Variants in ACSL3 observed in about 807,000 individuals in gnomAD.
The protein encoded by ACSL3 is fatty acid CoA ligase Acsl3.
In ACSL3, 34 loss-of-function variants were observed where a neutral mutation model predicts 84.7. The ratio of observed to expected loss-of-function variants is 0.40; its 90% CI spans 0.31 to 0.53. The LOEUF is 0.53. ACSL3 is among the 20% of genes least tolerant of loss of function. ACSL3 has a pLI of 0.48. For missense variants in ACSL3, 680 were observed against 873.1 expected, an observed-to-expected ratio of 0.78 and a Z score of 2.79; for synonymous variants, 315 against 299.4, an observed-to-expected ratio of 1.05 and a Z score of -0.54.
chr2:222,933,130 A>G (rs374366045), intron 14 of ACSL3, 36 bp from the exon 15 acceptor site: 6 of 1,293,954 alleles, frequency 4.6e-6, no homozygotes, highest in Middle Eastern at 1.9e-4. Flanking sequence ...ATTATTACTC[A>G]TTGTTTTCCC....
At chr2:222,921,080 T>C in intron 7 of ACSL3, 200 bp from the exon 8 acceptor site, 1 of 684,666 alleles carries the variant, frequency 1.5e-6, no homozygotes, top group Non-Finnish European at 2.7e-6. Context: ...TTAATCTGTT[T>C]GTATATCTCA....
chr2:222,886,448 A>C (rs1559282165), intron 1 of ACSL3, among the ~76,000 whole-genome samples: 1 of 152,220 alleles, frequency 6.6e-6, no homozygotes, highest in Admixed American at 6.5e-5. Flanking sequence ...GTTTTTACAA[A>C]AATTAATAAC....
In ACSL3 at chr2:222,928,945, CTATTT is replaced by C; in HGVS notation, c.1540+12_1540+16del. ...AAAAAACTGGGAGGAAGGTAATAAA[CTATTT>C]TAACCACAGAGCATTAATTTTTAAA... On this transcript the variant is annotated intron_variant, in intron 13 of 16. Coordinates refer to ENST00000357430, the MANE Select transcript of ACSL3 (RefSeq NM_004457.5). The C allele has an allele frequency of 6.2e-7, 1 of 1,604,450 alleles. No individual in the cohort carries two copies. Among genetic ancestry groups the C allele is most frequent in the Non-Finnish European group, 8.5e-7 (1 of 1,172,274 alleles).
chr2:222,875,055 C>T (rs1209961431), intron 1 of ACSL3, among the ~76,000 whole-genome samples: 1 of 151,994 alleles, frequency 6.6e-6, no homozygotes, highest in Non-Finnish European at 1.5e-5. Flanking sequence ...AAAAATTTAG[C>T]TTTTGATTTA....
At chr2:222,863,796 A>G (rs1276805746) in intron 1 of ACSL3, among the ~76,000 whole-genome samples, 1 of 152,198 alleles carries the variant, frequency 6.6e-6, no homozygotes, top group Non-Finnish European at 1.5e-5. Context: ...TAAATGTCTC[A>G]GTTGAACATG....
intron 12 of ACSL3, 22 bp from the exon 13 acceptor site, chr2:222,928,840 C>CT (rs777595259): frequency 1.6e-5 from 25 of 1,598,010 alleles, no homozygotes; most frequent in African/African-American, 6.7e-5. Context: ...CTCAAATATC[C>CT]TTTTTTTCAT....
intron 1 of ACSL3, among the ~76,000 whole-genome samples, chr2:222,882,780 T>TTTTTTG (rs55838924): frequency 2.4e-5 from 3 of 123,690 alleles, no homozygotes; most frequent in Non-Finnish European, 5.3e-5. Flanking sequence ...TTTTTTTTTT[T>TTTTTTG]GAAGACAGAT....
intron 3 of ACSL3, among the ~76,000 whole-genome samples, chr2:222,906,568 C>T (rs186357067): frequency 1.4e-4 from 21 of 151,632 alleles, no homozygotes; most frequent in Admixed American, 1.2e-3. Context: ...GAAACTTCTA[C>T]AGTAGTTGGT....
chr2:222,901,964 A>AAAAAAAAAAAAAAAAAAATG lies in ACSL3; in HGVS notation c.-41+1184_-41+1185insAAAAAAAAAAAAAAAAAATG, dbSNP rs57522671. On this transcript the variant is annotated intron_variant, in intron 3 of 16. Coordinates refer to ENST00000357430, the MANE Select transcript of ACSL3 (RefSeq NM_004457.5). Reference sequence around the variant, plus strand: ...GTCTCAAAAAAAAAAAAAAAAAAAAAGAACTCAAATATTGTTGAGGTAGCA... The same window carrying AAAAAAAAAAAAAAAAAAATG: ...GTCTCAAAAAAAAAAAAAAAAAAAAAAAAAAAAAAAAAAAAAAATGGAACTCAAATATTGTTGAGGTAGCA... Among the ~76,000 whole-genome samples the AAAAAAAAAAAAAAAAAAATG allele has an allele frequency of 8.0e-5, 8 of 99,456 alleles. 2 individuals carry two copies. The highest frequency in any genetic ancestry group is 1.2e-4 in the African/African-American group (3 of 24,630). 65.2% of individuals were successfully genotyped at this position (99,456 alleles called of 152,430 possible). A position where few individuals can be genotyped will look rare whatever the true frequency, so the allele number is the denominator to read the frequency against.
At chr2:222,916,531 C>G in intron 5 of ACSL3, 35 bp downstream of exon 5, 1 of 1,498,084 alleles carries the variant, frequency 6.7e-7, no homozygotes. Flanking sequence ...GAAGAATGAA[C>G]TTAACTGATA....
At chr2:222,889,717 G>C (rs777456387) in intron 2 of ACSL3, among the ~76,000 whole-genome samples, 2 of 152,214 alleles carry the variant, frequency 1.3e-5, no homozygotes, top group Non-Finnish European at 2.9e-5. Context: ...GAGGAAAATG[G>C]TTTTTAAGAG....
intron 1 of ACSL3, among the ~76,000 whole-genome samples, chr2:222,881,604 C>A (rs1294031762): frequency 2.0e-5 from 3 of 152,194 alleles, no homozygotes; most frequent in African/African-American, 7.2e-5. Flanking sequence ...GCAACCTCCG[C>A]TTCCCGGGTT....
At chr2:222,901,002 G>A (rs1238514607) in intron 3 of ACSL3, among the ~76,000 whole-genome samples, 2 of 152,054 alleles carry the variant, frequency 1.3e-5, no homozygotes. Flanking sequence ...AAACTTTTTG[G>A]TGCTTGGTCA....
chr2:222,918,718 A>AT (rs1696650688), intron 6 of ACSL3, among the ~76,000 whole-genome samples: 2 of 149,892 alleles, frequency 1.3e-5, no homozygotes, highest in Admixed American at 6.6e-5. Context: ...TCCTTCCCCC[A>AT]TATATTTTTA....
At position 222,933,020 on chromosome 2, in the gene ACSL3, G is replaced by T. The variant is rs1697070330; in HGVS notation, c.1733-146G>T. The stretch of plus-strand genomic sequence containing the variant: ...ATTTTAATATGTGCTTTTAATTTCA[G>T]CATAACCATTAATGCTTAATTTTGC... On this transcript the variant is annotated intron_variant, in intron 14 of 16. Transcript: ENST00000357430. The T allele has an allele frequency of 5.8e-6, 3 of 516,902 alleles. No individual in the cohort carries two copies. In the South Asian group the frequency reaches 9.4e-5, roughly 16 times the overall value. 32.0% of individuals were successfully genotyped at this position (516,902 alleles called of 1,614,324 possible).
rs556157197 is a variant in ACSL3 at position 222,928,470 on chromosome 2, G to A, written c.1466-392G>A. ...GCAGCTACCTATTTAAATGAGTCAA[G>A]TGGGCCCTAATGTAAGACAATGTGA... is the stretch of plus-strand genomic sequence containing the variant. On this transcript the variant is annotated intron_variant, in intron 12 of 16. Transcript: ENST00000357430. Among the ~76,000 whole-genome samples, 5 of 152,278 alleles carry A rather than the reference G, an allele frequency of 3.3e-5. No individual in the cohort carries two copies. In the South Asian group the frequency reaches 1.0e-3, roughly 32 times the overall value.
At chr2:222,926,468 A>T (rs932637652) in intron 11 of ACSL3, among the ~76,000 whole-genome samples, 1 of 151,980 alleles carries the variant, frequency 6.6e-6, no homozygotes, top group Admixed American at 6.6e-5. Context: ...GTATTAGTGT[A>T]TTTTCAGAAA....
At chr2:222,921,258 G>A (rs753165701) in intron 7 of ACSL3, 22 bp from the exon 8 acceptor site, 6 of 1,585,906 alleles carry the variant, frequency 3.8e-6, no homozygotes, top group East Asian at 4.5e-5. Flanking sequence ...GTGTATGTGT[G>A]TGTTTTTTCT....
chr2:222,931,412 TAAA>T (rs375709943), intron 14 of ACSL3, among the ~76,000 whole-genome samples: 1 of 140,562 alleles, frequency 7.1e-6, no homozygotes, highest in Admixed American at 7.0e-5. Context: ...AGACTCTGTC[TAAA>T]AAAAAAAAAA....
Sources: gnomAD v4.1 joint callset for allele counts (sites outside exome capture counted in the v4.1 genomes callset) on GRCh38, gnomAD v4.1.1 for gene constraint, MANE v1.5 for transcripts, NCBI Gene and HGNC (gene_info 2026-07-23, HGNC 2026-07-21) for gene names.